EDN3: variants seen among roughly 807,000 people sequenced by gnomAD.
EDN3 encodes endothelin 3.
In EDN3, 9 loss-of-function variants were observed where a neutral mutation model predicts 21.4. The observed-to-expected ratio is 0.42, with a 90% CI of 0.25 to 0.73. The LOEUF (loss-of-function observed/expected upper bound fraction) is 0.73. Among genes scored for constraint, EDN3 ranks in the 30% least tolerant of loss-of-function variants. EDN3 has a pLI of 0.26. For missense variants in EDN3, 327 were observed against 309.4 expected, an observed-to-expected ratio of 1.06 and a Z score of -0.43; for synonymous variants, 133 against 126.2, an observed-to-expected ratio of 1.05 and a Z score of -0.36.
chr20:59,323,764 A>G, intron 4 of EDN3: 1 of 415,316 alleles, frequency 2.4e-6, no homozygotes, highest in Non-Finnish European at 4.2e-6. Flanking sequence ...GAGTGTGCTC[A>G]GGGAACGGCC....
chr20:59,314,403 C>A lies in EDN3; in HGVS notation c.366-6614C>A, dbSNP rs531436882. On this transcript the variant is annotated intron_variant, in intron 2 of 4. Coordinates refer to ENST00000337938, the MANE Select transcript of EDN3 (RefSeq NM_207034.3). ...AGCAACAGAAACCTAGTCTAGCTGG[C>A]AAAGCACAGGAGGAGTTTATTGGAA... 2.6e-5 allele frequency among the ~76,000 whole-genome samples: 4 copies of A among 152,098 alleles called. No individual in the cohort carries two copies. In the South Asian group the frequency reaches 6.2e-4, roughly 24 times the overall value.
intron 2 of EDN3, among the ~76,000 whole-genome samples, chr20:59,307,580 T>C (rs1989512403): frequency 6.6e-6 from 1 of 152,234 alleles, no homozygotes; most frequent in Non-Finnish European, 1.5e-5. Context: ...TCATTTAATA[T>C]GTTTTCCCAG....
intron 2 of EDN3, among the ~76,000 whole-genome samples, chr20:59,316,348 G>A (rs1001633124): frequency 2.6e-5 from 4 of 152,236 alleles, no homozygotes; most frequent in Non-Finnish European, 5.9e-5. Flanking sequence ...GCGCCTGCAT[G>A]TTGAAAAGCA....
At position 59,301,413 on chromosome 20, in the gene EDN3, T is replaced by G. The variant is rs1290699333; in HGVS notation, c.56T>G (p.Phe19Cys). Residue 19 changes from phenylalanine (F) to cysteine (C), a missense_variant, in exon 2 of 5, where the codon TTC becomes TGC. By Grantham distance (205) the Phe-to-Cys change is radical. Transcript: ENST00000337938. ...CCCCTCAATCTGCCTTCTGCAGGAT[T>G]CGTGCCTTGCTCCCAGTCTGGGGAT... ...FGLTVTSAAG[F>C]VPCSQSGDAG... The G allele has an allele frequency of 6.2e-7, 1 of 1,609,964 alleles. No individual in the cohort carries two copies. Among genetic ancestry groups the G allele is most frequent in the South Asian group, 1.1e-5 (1 of 91,044 alleles).
chr20:59,322,082 T>C lies in EDN3; in HGVS notation c.543-290T>C, dbSNP rs1310114757. 1.3e-5 allele frequency among the ~76,000 whole-genome samples: 2 copies of C among 152,072 alleles called. No homozygotes were observed. The highest frequency in any genetic ancestry group is 1.9e-4 in the East Asian group (1 of 5,186). On this transcript the variant is annotated intron_variant, in intron 3 of 4. Coordinates refer to ENST00000337938, the MANE Select transcript of EDN3 (RefSeq NM_207034.3). The surrounding 1 kb of genome is among the most constrained non-coding windows in gnomAD (Gnocchi z 4.1). ...ACCCCAACAAGGCAGACGGTAGCGC[T>C]CAGGACCCCAGGATCTGCCGTCTGT...
Position 59,311,510 on chromosome 20 carries a change from G to C in EDN3, c.366-9507G>C, listed in dbSNP as rs190450042. Among the ~76,000 whole-genome samples, 193 of 152,208 alleles carry C rather than the reference G, an allele frequency of 1.3e-3. 7 individuals carry two copies. Among genetic ancestry groups the C allele is most frequent in the Admixed American group, 0.012 (191 of 15,284 alleles). Reference sequence around the variant, plus strand: ...CCTAGACCATATAGGGTGACTTCCTGATGTTGCCATGGCATTTGTAAACTG... The same window carrying C: ...CCTAGACCATATAGGGTGACTTCCTCATGTTGCCATGGCATTTGTAAACTG... On this transcript the variant is annotated intron_variant, in intron 2 of 4. Transcript: ENST00000337938.
In EDN3 at chr20:59,312,087, C is replaced by T. The variant is rs78713696; in HGVS notation, c.366-8930C>T. On this transcript the variant is annotated intron_variant, in intron 2 of 4. Coordinates refer to ENST00000337938, the MANE Select transcript of EDN3 (RefSeq NM_207034.3). The stretch of plus-strand genomic sequence containing the variant: ...CCCATCCTTATGAAAATACTTGCTC[C>T]CTGTTTTCCCTCTTCTCTTTCCACT... 8.0e-3 allele frequency among the ~76,000 whole-genome samples: 1,212 copies of T among 152,140 alleles called. 17 individuals carry two copies. Among genetic ancestry groups the T allele is most frequent in the African/African-American group, 0.028 (1,161 of 41,504 alleles).
In EDN3 at chr20:59,311,152, C is replaced by A. The variant is rs540427619; in HGVS notation, c.365+9430C>A. The stretch of plus-strand genomic sequence containing the variant: ...CTCACCTGCCTCACCCTAATCCCAG[C>A]CCTGGCATCTTGCTTGAGGATAAAG... On this transcript the variant is annotated intron_variant, in intron 2 of 4. Coordinates refer to ENST00000337938, the MANE Select transcript of EDN3 (RefSeq NM_207034.3). 1.7e-3 allele frequency among the ~76,000 whole-genome samples: 264 copies of A among 152,260 alleles called. 1 individual carries two copies. The highest frequency in any genetic ancestry group is 2.8e-3 in the Non-Finnish European group (188 of 68,018).
At position 59,325,171 on chromosome 20, in the gene EDN3, A is replaced by T. The variant is rs775994244; in HGVS notation, c.*712A>T. The T allele has an allele frequency of 6.5e-6, 1 of 152,886 alleles. No individual in the cohort carries two copies. Among genetic ancestry groups the T allele is most frequent in the African/African-American group, 2.4e-5 (1 of 41,474 alleles). 9.5% of individuals were successfully genotyped at this position (152,886 alleles called of 1,614,324 possible). On this transcript the variant is annotated 3_prime_UTR_variant, in exon 5 of 5. Coordinates refer to ENST00000337938, the MANE Select transcript of EDN3 (RefSeq NM_207034.3). ...ACCCTCTGTATTCTGTATAGACACC[A>T]GGCCGATACACAGTGGAGTTCCCAG...
intron 2 of EDN3, among the ~76,000 whole-genome samples, chr20:59,318,031 G>A (rs1990294019): frequency 6.6e-6 from 1 of 152,184 alleles, no homozygotes; most frequent in African/African-American, 2.4e-5. Context: ...GTAAGAGTCT[G>A]GGACTCAAAG....
At chr20:59,308,864 TG>T (rs1989604304) in intron 2 of EDN3, among the ~76,000 whole-genome samples, 1 of 152,200 alleles carries the variant, frequency 6.6e-6, no homozygotes, top group Non-Finnish European at 1.5e-5. Context: ...TCCACCTCTT[TG>T]GACCTTCTGA....
intron 2 of EDN3, among the ~76,000 whole-genome samples, chr20:59,314,274 C>T (rs1227203389): frequency 6.6e-6 from 1 of 152,168 alleles, no homozygotes; most frequent in African/African-American, 2.4e-5. Flanking sequence ...TTTCCTTGTC[C>T]TCAACAGCTG....
rs1990605821 is a variant in EDN3 at position 59,322,405 on chromosome 20, A to T, written c.576A>T (p.Glu192Asp). The T allele has an allele frequency of 1.2e-6, 2 of 1,614,084 alleles. No individual in the cohort carries two copies. Among genetic ancestry groups the T allele is most frequent in the Non-Finnish European group, 1.7e-6 (2 of 1,180,042 alleles). The change falls in exon 4 of 5, where the codon GAA becomes GAT. Residue 192 changes from glutamate (E) to aspartate (D), a missense_variant. Physicochemically the swap from Glu to Asp is conservative, Grantham distance 45. Coordinates refer to ENST00000337938, the MANE Select transcript of EDN3 (RefSeq NM_207034.3). This position sits in a 1 kb window ranked among gnomAD's most constrained non-coding sequence, Gnocchi z 4.1. ...GGACGGCAGAAAAAACAGACAAAGA[A>T]GAGGAAGGGAAGGTGAGAGGTGCCA... is the stretch of plus-strand genomic sequence containing the variant. Reference protein sequence around the residue: ...NSRTAEKTDKEEEGKVEVKDQ... With the variant: ...NSRTAEKTDKDEEGKVEVKDQ...
At chr20:59,310,825 A>G (rs1989755226) in intron 2 of EDN3, among the ~76,000 whole-genome samples, 1 of 43,426 alleles carries the variant, frequency 2.3e-5, no homozygotes, top group Admixed American at 2.2e-4. Context: ...CAACTTGGGG[A>G]GCGCAAATTG....
At chr20:59,311,213 A>T (rs1432332267) in intron 2 of EDN3, among the ~76,000 whole-genome samples, 1 of 152,114 alleles carries the variant, frequency 6.6e-6, no homozygotes, top group Non-Finnish European at 1.5e-5. Flanking sequence ...AGTTTGAGGT[A>T]AGTGATAAAT....
intron 2 of EDN3, among the ~76,000 whole-genome samples, chr20:59,313,806 C>T (rs1215160812): frequency 6.6e-6 from 1 of 152,190 alleles, no homozygotes; most frequent in East Asian, 1.9e-4. Context: ...TTCTTTAGAA[C>T]CAGAAAGCGC....
chr20:59,314,017 G>A (rs757373646), intron 2 of EDN3, among the ~76,000 whole-genome samples: 4 of 152,296 alleles, frequency 2.6e-5, no homozygotes, highest in East Asian at 1.9e-4. Context: ...TCAAATGAGC[G>A]TCCGGGGGTG....
chr20:59,314,690 G>GC (rs548099585), intron 2 of EDN3, among the ~76,000 whole-genome samples: 109 of 152,196 alleles, frequency 7.2e-4, no homozygotes, highest in African/African-American at 2.6e-3. Flanking sequence ...TCAATTGACT[G>GC]CCCCCCAGAG....
chr20:59,320,016 C>A (rs1247204914), intron 2 of EDN3, among the ~76,000 whole-genome samples: 2 of 152,234 alleles, frequency 1.3e-5, no homozygotes, highest in African/African-American at 4.8e-5. Context: ...CAGGCACCCC[C>A]TTTTTCTCTG....
Sources: allele counts gnomAD v4.1 joint callset (sites outside exome capture counted in the v4.1 genomes callset), GRCh38; gene constraint gnomAD v4.1.1; non-coding constraint Gnocchi (gnomAD v3.1); transcripts MANE v1.5; gene names NCBI Gene and HGNC (gene_info 2026-07-23, HGNC 2026-07-21).